Variants in NEBL observed in about 807,000 individuals in gnomAD.
The protein encoded by NEBL is nebulette.
NEBL carries 122 observed loss-of-function variants against 140.2 expected under a neutral mutation model. The ratio of observed to expected loss-of-function variants is 0.87; its 90% CI spans 0.75 to 1.01. The LOEUF (loss-of-function observed/expected upper bound fraction) is 1.01, where lower values mean the gene tolerates loss of function less well. Ranked by LOEUF, NEBL falls within the 50% of genes least tolerant of loss-of-function variation. The pLI is 0.00. For synonymous variants in NEBL, 436 were observed against 398.9 expected, an observed-to-expected ratio of 1.09 and a Z score of -1.11; for missense variants, 1,365 against 1,231.3, an observed-to-expected ratio of 1.11 and a Z score of -1.62.
At chr10:20,894,802 G>A (rs1467125432) in intron 2 of NEBL, among the ~76,000 whole-genome samples, 3 of 149,368 alleles carry the variant, frequency 2.0e-5, no homozygotes, top group Non-Finnish European at 3.0e-5. Flanking sequence ...AGTGGCAGGC[G>A]CCTGTGGTCC....
intron 3 of NEBL, among the ~76,000 whole-genome samples, chr10:21,195,253 T>C (rs968690504): frequency 2.0e-4 from 30 of 152,094 alleles, no homozygotes; most frequent in African/African-American, 5.3e-4. Context: ...TGGAGAGACA[T>C]CACTCAACAA....
At chr10:21,253,400 C>A (rs1197978721) in intron 1 of NEBL, among the ~76,000 whole-genome samples, 1 of 152,062 alleles carries the variant, frequency 6.6e-6, no homozygotes, top group Non-Finnish European at 1.5e-5. Context: ...ATAATCTGGA[C>A]GCTCCTGACC....
intron 1 of NEBL, among the ~76,000 whole-genome samples, chr10:21,275,866 C>T (rs1430646935): frequency 1.5e-5 from 2 of 135,766 alleles, no homozygotes; most frequent in South Asian, 2.3e-4. Context: ...CCATATTGGT[C>T]AGGCTGGTCT....
At chr10:21,184,361 A>T (rs16921657) in intron 3 of NEBL, among the ~76,000 whole-genome samples, 7,695 of 152,270 alleles carry the variant, frequency 0.051, 388 homozygotes, top group African/African-American at 0.12. Flanking sequence ...TTTCACTGAA[A>T]GATCTGGAAA....
At position 21,173,016 on chromosome 10, in the gene NEBL, G is replaced by T. The variant is rs191353126; in HGVS notation, c.70-539C>A. Among the ~76,000 whole-genome samples the T allele has an allele frequency of 1.3e-5, 2 of 152,276 alleles. No individual in the cohort carries two copies. The highest frequency in any genetic ancestry group is 3.9e-4 in the East Asian group (2 of 5,160). ...CAGGATGGCAGCTTGTTCTAAGGAAGCATTTGTATCTTCAGACGCAAATTT... is the reference window on the plus strand; with the variant it reads ...CAGGATGGCAGCTTGTTCTAAGGAATCATTTGTATCTTCAGACGCAAATTT... On this transcript the variant is annotated intron_variant, in intron 1 of 6. Coordinates refer to the NEBL transcript ENST00000417816. This position sits in a 1 kb window ranked among gnomAD's most constrained non-coding sequence, Gnocchi z 5.7.
chr10:21,276,916 C>G (rs543707934), intron 1 of NEBL, among the ~76,000 whole-genome samples: 6 of 152,102 alleles, frequency 3.9e-5, no homozygotes, highest in Admixed American at 3.9e-4. Context: ...TTGCAGTGAG[C>G]CAAGATCATG....
At chr10:21,174,128 C>A (rs1485734805) in exon 1 of NEBL, 3 of 697,140 alleles carry the variant, frequency 4.3e-6, no homozygotes, top group South Asian at 1.3e-4. Flanking sequence ...CTCACACAGT[C>A]ACTCGCGCCC....
chr10:21,131,353 G>C (rs1839096584), intron 2 of NEBL, among the ~76,000 whole-genome samples: 1 of 152,144 alleles, frequency 6.6e-6, no homozygotes, highest in South Asian at 2.1e-4. Context: ...CTCTTTCAGA[G>C]AATAAGAGCA....
intron 3 of NEBL, among the ~76,000 whole-genome samples, chr10:21,211,238 G>A (rs1841910442): frequency 6.6e-6 from 1 of 152,142 alleles, no homozygotes; most frequent in African/African-American, 2.4e-5. Flanking sequence ...CAGCACTTTG[G>A]GAGGCTGAGG....
chr10:21,069,429 T>C (rs1184749510), intron 2 of NEBL, among the ~76,000 whole-genome samples: 2 of 152,196 alleles, frequency 1.3e-5, no homozygotes, highest in Non-Finnish European at 2.9e-5. Context: ...AGTGAACAGA[T>C]TGTTTCAAGA....
At chr10:20,978,302 G>C (rs1447015984) in intron 3 of NEBL, among the ~76,000 whole-genome samples, 4 of 151,884 alleles carry the variant, frequency 2.6e-5, no homozygotes, top group African/African-American at 9.7e-5. Flanking sequence ...AATCTTTTTA[G>C]TTTTCTAAAT....
intron 2 of NEBL, among the ~76,000 whole-genome samples, chr10:21,081,009 C>T (rs1188307161): frequency 6.6e-6 from 1 of 152,124 alleles, no homozygotes; most frequent in Non-Finnish European, 1.5e-5. Context: ...CATGCACCAC[C>T]ACGCCTAGCT....
intron 4 of NEBL, among the ~76,000 whole-genome samples, chr10:20,916,869 A>C (rs901796034): frequency 5.3e-5 from 8 of 152,372 alleles, no homozygotes; most frequent in African/African-American, 1.7e-4. Context: ...CAAGTCCTGC[A>C]GTGTATTGAC....
At position 20,896,979 on chromosome 10, in the gene NEBL, T is replaced by C. The variant is rs781042895; in HGVS notation, c.132A>G (p.Lys44=). Residue 44 remains lysine, a synonymous_variant, in exon 2 of 28, where the codon AAA becomes AAG. Transcript: ENST00000377122. The part of the protein sequence containing the change: ...IEDLSMELAR[K]CTELISDIRY... ...TTACATCGCTAATGAGTTCCGTGCA[T>C]TTTCTGGCCAATTCCATGCTTAAGT... The C allele has an allele frequency of 6.2e-7, 1 of 1,614,020 alleles. No individual in the cohort carries two copies. Among genetic ancestry groups the C allele is most frequent in the Non-Finnish European group, 8.5e-7 (1 of 1,179,982 alleles).
rs545582792 is a variant in NEBL at position 21,246,729 on chromosome 10, G to A, written n.348+1192C>T. The stretch of plus-strand genomic sequence containing the variant: ...CATGCCTGTAGTTCCAGCTGCTCTG[G>A]AGGCTGAGCAGGAGGATTGCTTGAG... On this transcript the variant is annotated intron_variant and non_coding_transcript_variant, in intron 3 of 8. Transcript: ENST00000675702. Among the ~76,000 whole-genome samples, 76 of 152,204 alleles carry A rather than the reference G, an allele frequency of 5.0e-4. No individual in the cohort carries two copies. The Middle Eastern group carries it at 0.01, about 20-fold the overall frequency.
intron 4 of NEBL, among the ~76,000 whole-genome samples, chr10:20,940,215 C>T (rs1324203654): frequency 6.6e-6 from 1 of 151,988 alleles, no homozygotes; most frequent in Admixed American, 6.6e-5. Flanking sequence ...TGTAAAAGAA[C>T]AGAAATTATA....
At chr10:21,179,363 G>A (rs1841351728), upstream of NEBL, among the ~76,000 whole-genome samples, 1 of 152,118 alleles carries the variant, frequency 6.6e-6, no homozygotes. Context: ...TGCAGGTCCT[G>A]CATACCACTG....
intron 3 of NEBL, among the ~76,000 whole-genome samples, chr10:20,961,996 C>T (rs1002208371): frequency 6.6e-6 from 1 of 152,160 alleles, no homozygotes; most frequent in African/African-American, 2.4e-5. Flanking sequence ...AGTTCTTTAA[C>T]CACTCTGTGC....
chr10:20,807,598 G>T (rs888187968), intron 26 of NEBL, among the ~76,000 whole-genome samples: 1 of 152,042 alleles, frequency 6.6e-6, no homozygotes, highest in Non-Finnish European at 1.5e-5. Context: ...ACAATCTTTC[G>T]CAGCTTGGTC....
Sources: gnomAD v4.1 joint callset for allele counts (sites outside exome capture counted in the v4.1 genomes callset) on GRCh38, gnomAD v4.1.1 for gene constraint, Gnocchi (gnomAD v3.1) non-coding constraint, MANE v1.5 for transcripts, NCBI Gene and HGNC (gene_info 2026-07-23, HGNC 2026-07-21) for gene names.